NLRP14: variants seen among roughly 807,000 people sequenced by gnomAD.
The protein encoded by NLRP14 is NACHT, LRR and PYD domains-containing protein 14.
A neutral mutation model predicts 94.7 loss-of-function variants in NLRP14; 105 were observed. That is an observed-to-expected ratio of 1.11 (90% CI 0.95 to 1.30). The LOEUF is 1.30. NLRP14 is among the 50% of genes most tolerant of loss of function. NLRP14 has a pLI of 0.00. For missense variants in NLRP14, 1,362 were observed against 1,254.1 expected (o/e 1.09, Z -1.30); for synonymous variants, 508 against 459.9 (o/e 1.10, Z -1.34).
In NLRP14 at chr11:7,031,607, G is replaced by T. The variant is rs577936055; in HGVS notation, c.-21-6959G>T. ...TTCTTGAATCTCCTGGATTAAAGCG[G>T]TATGAATAGCCCCACTTTCACCAGC... is the stretch of plus-strand genomic sequence containing the variant. On this transcript the variant is annotated intron_variant, in intron 1 of 11. Coordinates refer to ENST00000299481, the MANE Select transcript of NLRP14 (RefSeq NM_176822.4). Among the ~76,000 whole-genome samples, 10 of 152,254 alleles carry T rather than the reference G, an allele frequency of 6.6e-5. No individual in the cohort carries two copies. In the South Asian group the frequency reaches 2.1e-3, roughly 32 times the overall value.
chr11:7,058,264 T>A lies in NLRP14; in HGVS notation c.2463-16T>A, dbSNP rs557277451. Reference sequence around the variant, plus strand: ...TTGGGAATTGACAGATCTCTTCTCATCTCTTTCTCTTTCAGCTTAGAAAGC... The same window carrying A: ...TTGGGAATTGACAGATCTCTTCTCAACTCTTTCTCTTTCAGCTTAGAAAGC... On this transcript the variant is annotated splice_polypyrimidine_tract_variant and intron_variant, in intron 7 of 11. Coordinates refer to ENST00000299481, the MANE Select transcript of NLRP14 (RefSeq NM_176822.4). 1 of 1,609,730 alleles carries A rather than the reference T, an allele frequency of 6.2e-7. No individual in the cohort carries two copies.
At chr11:7,053,053 G>A (rs1428080096) in intron 6 of NLRP14, among the ~76,000 whole-genome samples, 1 of 152,088 alleles carries the variant, frequency 6.6e-6, no homozygotes, top group Admixed American at 6.5e-5. Flanking sequence ...TAAAGGCTGA[G>A]ACCATAACTT....
At chr11:7,081,167 A>C in the NLRP14 span, among the ~76,000 whole-genome samples, 2 of 152,172 alleles carry the variant, frequency 1.3e-5, no homozygotes, top group African/African-American at 2.4e-5. Context: ...CTTAGCCATT[A>C]GGCTGATGCC....
At chr11:7,073,943 C>T (rs1852837441), downstream of NLRP14, among the ~76,000 whole-genome samples, 1 of 152,110 alleles carries the variant, frequency 6.6e-6, no homozygotes, top group Non-Finnish European at 1.5e-5. Context: ...TTCAGCATCC[C>T]CTTGCTTCTT....
At chr11:7,081,011 C>T in the NLRP14 span, among the ~76,000 whole-genome samples, 2 of 151,390 alleles carry the variant, frequency 1.3e-5, no homozygotes, top group Admixed American at 6.7e-5. Context: ...GGACAGAAAT[C>T]TTTCTGGCCC....
chr11:7,062,305 T>C, intron 9 of NLRP14, 28 bp from the exon 10 acceptor site: 5 of 1,590,586 alleles, frequency 3.1e-6, no homozygotes, highest in Non-Finnish European at 4.3e-6. Flanking sequence ...AATGGAAGGA[T>C]TCACTTTTCC....
chr11:7,043,107 A>G lies in NLRP14; in HGVS notation c.1081A>G (p.Met361Val). 6.2e-7 allele frequency: 1 copy of G among 1,614,154 alleles called. No homozygotes were observed. The part of the protein sequence containing the change: ...KVFSSLKSNE[M>V]LFSMCQVPLV... ...ATTCAGTTCACTAAAAAGCAATGAG[A>G]TGCTGTTTAGCATGTGCCAAGTCCC... Residue 361 changes from methionine to valine, a missense_variant, in exon 4 of 12, where the codon ATG becomes GTG. Transcript: ENST00000299481.
At chr11:7,087,236 T>C in the NLRP14 span, among the ~76,000 whole-genome samples, 14 of 152,356 alleles carry the variant, frequency 9.2e-5, no homozygotes, top group Admixed American at 7.8e-4. Context: ...TCAAGAGATA[T>C]CTCTCCTTTG....
chr11:7,021,870 G>A (rs1159666333), intron 1 of NLRP14, among the ~76,000 whole-genome samples: 6 of 151,008 alleles, frequency 4.0e-5, no homozygotes, highest in African/African-American at 9.7e-5. Context: ...CGGTAAGAAC[G>A]AACACTGGAA....
chr11:7,076,686 C>CT, the NLRP14 span, among the ~76,000 whole-genome samples: 1,798 of 149,220 alleles, frequency 0.012, 22 homozygotes, highest in Middle Eastern at 0.021. Context: ...CACCGTGTTT[C>CT]TTTTTTTTTT....
In NLRP14 at chr11:7,059,956, A is replaced by G. The variant is rs148159427; in HGVS notation, c.2696A>G (p.Asn899Ser). 5.2e-5 allele frequency: 84 copies of G among 1,612,542 alleles called. No homozygotes were observed. The highest frequency in any genetic ancestry group is 6.0e-5 in the Non-Finnish European group (71 of 1,178,934). Residue 899 changes from asparagine (N) to serine (S), a missense_variant, in exon 9 of 12, where the codon AAC becomes AGC. Asn to Ser is a conservative substitution (Grantham distance 46). Coordinates refer to ENST00000299481, the MANE Select transcript of NLRP14 (RefSeq NM_176822.4). Reference protein sequence around the residue: ...SEYLSTSLLHNKSLTHLDLGS... With the variant: ...SEYLSTSLLHSKSLTHLDLGS... Reference sequence around the variant, plus strand: ...TATCTGTCAACTTCTCTTCTACACAACAAGAGCCTGACGCATCTGGATCTA... The same window carrying G: ...TATCTGTCAACTTCTCTTCTACACAGCAAGAGCCTGACGCATCTGGATCTA...
At chr11:7,087,356 T>C in the NLRP14 span, among the ~76,000 whole-genome samples, 90 of 152,322 alleles carry the variant, frequency 5.9e-4, no homozygotes, top group Middle Eastern at 0.017. Context: ...TAAGCCATCA[T>C]GGAGGTCAGA....
chr11:7,087,729 CAA>C, the NLRP14 span, among the ~76,000 whole-genome samples: 1 of 151,660 alleles, frequency 6.6e-6, no homozygotes, highest in Non-Finnish European at 1.5e-5. Flanking sequence ...GAAAAAGAAA[CAA>C]AGACAAATCA....
chr11:7,072,523 T>TA (rs1226981284), downstream of NLRP14, among the ~76,000 whole-genome samples: 1 of 152,182 alleles, frequency 6.6e-6, no homozygotes, highest in Non-Finnish European at 1.5e-5. Context: ...GTTTGAGACT[T>TA]TATACATTGA....
At chr11:7,089,190 C>G in the NLRP14 span, 2 of 1,613,982 alleles carry the variant, frequency 1.2e-6, no homozygotes, top group Non-Finnish European at 1.7e-6. Flanking sequence ...CGAGAAAGCC[C>G]TCGAAGCCGA....
At chr11:7,026,216 G>T (rs10769756) in intron 1 of NLRP14, among the ~76,000 whole-genome samples, 1 of 151,146 alleles carries the variant, frequency 6.6e-6, no homozygotes, top group Non-Finnish European at 1.5e-5. Context: ...GAGTGAACAG[G>T]CAACCTACAG....
chr11:7,082,286 T>C, the NLRP14 span, among the ~76,000 whole-genome samples: 1 of 152,210 alleles, frequency 6.6e-6, no homozygotes, highest in South Asian at 2.1e-4. Context: ...ACTATCGATA[T>C]TGGTATTATA....
chr11:7,028,366 A>G (rs1432779516), intron 1 of NLRP14, among the ~76,000 whole-genome samples: 1 of 152,114 alleles, frequency 6.6e-6, no homozygotes, highest in Non-Finnish European at 1.5e-5. Context: ...GTTCTATCTT[A>G]AAAACCCAGA....
chr11:7,090,120 G>A, the NLRP14 span: 1 of 1,612,462 alleles, frequency 6.2e-7, no homozygotes, highest in Non-Finnish European at 8.5e-7. Flanking sequence ...TGGCCGGAGC[G>A]ACCGCTACTC....
Sources: gnomAD v4.1 joint callset for allele counts (sites outside exome capture counted in the v4.1 genomes callset) on GRCh38, gnomAD v4.1.1 for gene constraint, MANE v1.5 for transcripts, NCBI Gene and HGNC (gene_info 2026-07-23, HGNC 2026-07-21) for gene names.